Variants in PAPPA observed in about 807,000 individuals in gnomAD.
PAPPA encodes pappalysin 1.
PAPPA carries 60 observed loss-of-function variants against 164.0 expected under a neutral mutation model. That is an observed-to-expected ratio of 0.37 (90% CI 0.30 to 0.45). PAPPA has a LOEUF of 0.45. PAPPA is among the 20% of genes least tolerant of loss of function. PAPPA has a pLI of 1.00. For missense variants in PAPPA, 1,782 were observed against 2,087.3 expected (o/e 0.85, Z 2.85); for synonymous variants, 875 against 814.1 (o/e 1.07, Z -1.27).
At chr9:116,157,223 T>A (rs1270606692) in intron 1 of PAPPA, among the ~76,000 whole-genome samples, 1 of 152,140 alleles carries the variant, frequency 6.6e-6, no homozygotes, top group Non-Finnish European at 1.5e-5. Flanking sequence ...GTAGGCGGGC[T>A]ATGCTCCCAG....
At chr9:116,264,497 G>T (rs887936773) in intron 7 of PAPPA, among the ~76,000 whole-genome samples, 2 of 152,110 alleles carry the variant, frequency 1.3e-5, no homozygotes, top group Non-Finnish European at 2.9e-5. Context: ...GTCCTTCAAT[G>T]CTCATAAACT....
intron 17 of PAPPA, among the ~76,000 whole-genome samples, chr9:116,355,795 C>G (rs578057083): frequency 6.6e-6 from 1 of 152,112 alleles, no homozygotes; most frequent in African/African-American, 2.4e-5. Flanking sequence ...TGGCAACTAA[C>G]GGAGAGGCTA....
chr9:116,209,741 G>A (rs1048002626), intron 3 of PAPPA, among the ~76,000 whole-genome samples: 1 of 152,178 alleles, frequency 6.6e-6, no homozygotes, highest in Non-Finnish European at 1.5e-5. Context: ...ATCATCCCTG[G>A]AATGGTCCTG....
intron 21 of PAPPA, among the ~76,000 whole-genome samples, chr9:116,391,218 T>G (rs1564253812): frequency 6.6e-6 from 1 of 152,240 alleles, no homozygotes; most frequent in Non-Finnish European, 1.5e-5. Context: ...CTGTTCCACG[T>G]TTTATGCCAG....
At chr9:116,176,006 G>T (rs997170623) in intron 1 of PAPPA, among the ~76,000 whole-genome samples, 1 of 152,126 alleles carries the variant, frequency 6.6e-6, no homozygotes, top group African/African-American at 2.4e-5. Flanking sequence ...AAGATGGCTG[G>T]GTCAAAGACT....
At chr9:116,244,916 C>T (rs567235142) in intron 7 of PAPPA, among the ~76,000 whole-genome samples, 1 of 152,192 alleles carries the variant, frequency 6.6e-6, no homozygotes, top group South Asian at 2.1e-4. Flanking sequence ...ACCTAAGCAT[C>T]CATCAATGGA....
intron 7 of PAPPA, among the ~76,000 whole-genome samples, chr9:116,246,833 A>G (rs887349476): frequency 8.5e-5 from 13 of 152,174 alleles, no homozygotes; most frequent in African/African-American, 3.1e-4. Flanking sequence ...TGGACAGCAT[A>G]GAAAGACCCC....
intron 13 of PAPPA, among the ~76,000 whole-genome samples, chr9:116,335,324 C>A (rs1002133313): frequency 1.3e-5 from 2 of 152,070 alleles, no homozygotes; most frequent in African/African-American, 4.8e-5. Context: ...GCAGAATTGA[C>A]AATAGCTTGC....
chr9:116,167,126 T>C (rs1843727456), intron 1 of PAPPA, among the ~76,000 whole-genome samples: 2 of 149,964 alleles, frequency 1.3e-5, no homozygotes, highest in Non-Finnish European at 2.9e-5. Context: ...TTCCCACCTT[T>C]AACTAGTCCT....
rs375985088 is a variant in PAPPA at position 116,354,358 on chromosome 9, G to A, written c.4347+565G>A. On this transcript the variant is annotated intron_variant, in intron 17 of 21. Transcript: ENST00000328252. Reference sequence around the variant, plus strand: ...CTACACATGCCCAAAAGGATGGTACGGGAATCAAGAATAGGAAAAAGGAAC... The same window carrying A: ...CTACACATGCCCAAAAGGATGGTACAGGAATCAAGAATAGGAAAAAGGAAC... Among the ~76,000 whole-genome samples the A allele has an allele frequency of 2.2e-4, 34 of 152,220 alleles. No individual in the cohort carries two copies. The East Asian group carries it at 2.5e-3, about 11-fold the overall frequency.
intron 1 of PAPPA, among the ~76,000 whole-genome samples, chr9:116,168,898 A>G (rs1025167481): frequency 6.6e-6 from 1 of 152,218 alleles, no homozygotes; most frequent in African/African-American, 2.4e-5. Context: ...TCCTTGGAGC[A>G]GAGACCATTT....
intron 7 of PAPPA, among the ~76,000 whole-genome samples, chr9:116,256,239 A>G (rs189774199): frequency 6.6e-6 from 1 of 152,176 alleles, no homozygotes; most frequent in African/African-American, 2.4e-5. Flanking sequence ...GGTGAGAAGT[A>G]TACAAATTAG....
intron 1 of PAPPA, among the ~76,000 whole-genome samples, chr9:116,156,306 GTATATATATGTGTGTA>G (rs1843601975): frequency 8.3e-6 from 1 of 121,184 alleles, no homozygotes; most frequent in Admixed American, 8.2e-5. Flanking sequence ...ATATATACAT[GTATATATATGTGTGTA>G]TATATATATG....
At chr9:116,262,666 G>T (rs1343424227) in intron 7 of PAPPA, among the ~76,000 whole-genome samples, 1 of 152,166 alleles carries the variant, frequency 6.6e-6, no homozygotes, top group Non-Finnish European at 1.5e-5. Flanking sequence ...AAAGGATGAC[G>T]TGGAAACTCC....
chr9:116,264,260 A>C (rs1845038831), intron 7 of PAPPA, among the ~76,000 whole-genome samples: 1 of 152,206 alleles, frequency 6.6e-6, no homozygotes, highest in African/African-American at 2.4e-5. Flanking sequence ...AAACCCTATA[A>C]TTCTATCAAC....
chr9:116,391,379 G>GC (rs879380292), intron 21 of PAPPA, among the ~76,000 whole-genome samples: 9 of 152,062 alleles, frequency 5.9e-5, no homozygotes, highest in Admixed American at 2.6e-4. Context: ...CAGTGATGTG[G>GC]CCCCCCACAG....
intron 1 of PAPPA, among the ~76,000 whole-genome samples, chr9:116,156,344 A>ATATATG (rs890683990): frequency 1.5e-5 from 2 of 129,600 alleles, no homozygotes; most frequent in Non-Finnish European, 3.4e-5. Context: ...GTATATATAT[A>ATATATG]TATGTATATA....
chr9:116,367,507 C>T, intron 18 of PAPPA, 138 bp from the exon 19 acceptor site: 1 of 654,542 alleles, frequency 1.5e-6, no homozygotes, highest in East Asian at 2.7e-5. Flanking sequence ...GGCTTGCCTT[C>T]TCCTTCCCAC....
intron 10 of PAPPA, among the ~76,000 whole-genome samples, chr9:116,310,478 A>G (rs1254012588): frequency 6.6e-6 from 1 of 152,172 alleles, no homozygotes; most frequent in African/African-American, 2.4e-5. Context: ...CACCAAAAAA[A>G]TCCCTCCAGG....
Sources: allele counts gnomAD v4.1 joint callset (sites outside exome capture counted in the v4.1 genomes callset), GRCh38; gene constraint gnomAD v4.1.1; transcripts MANE v1.5; gene names NCBI Gene and HGNC (gene_info 2026-07-23, HGNC 2026-07-21).